The following ATAD2B variants were observed in gnomAD, a reference collection of about 807,000 sequenced individuals.
The protein encoded by ATAD2B is ATPase family AAA domain containing 2B.
Under a neutral mutation model 167.6 loss-of-function variants are expected in ATAD2B, and 40 were observed. The observed-to-expected ratio is 0.24, with a 90% CI of 0.19 to 0.31. The LOEUF (loss-of-function observed/expected upper bound fraction) is 0.31. Among genes scored for constraint, ATAD2B ranks in the 10% least tolerant of loss-of-function variants. The pLI is 1.00. For missense variants in ATAD2B, 1,242 were observed against 1,757.2 expected, an observed-to-expected ratio of 0.71 and a Z score of 5.24; for synonymous variants, 579 against 596.5, an observed-to-expected ratio of 0.97 and a Z score of 0.43.
At chr2:23,905,944 G>A (rs914852434) in intron 1 of ATAD2B, among the ~76,000 whole-genome samples, 3 of 152,122 alleles carry the variant, frequency 2.0e-5, no homozygotes, top group African/African-American at 4.8e-5. Flanking sequence ...GGGGAATGGG[G>A]TACAAATTGG....
chr2:23,684,683 CCT>C, the ATAD2B span: 1 of 653,348 alleles, frequency 1.5e-6, no homozygotes. The surrounding 1 kb of genome is among the most constrained non-coding windows in gnomAD (Gnocchi z 4.4). Context: ...TCCTCCTCCT[CCT>C]CCCCAGTACC....
chr2:23,710,705 A>C, the ATAD2B span, among the ~76,000 whole-genome samples: 1 of 152,236 alleles, frequency 6.6e-6, no homozygotes, highest in Non-Finnish European at 1.5e-5. Context: ...AATACAGAAT[A>C]ATACAAATGA....
chr2:23,699,387 T>C, the ATAD2B span, among the ~76,000 whole-genome samples: 2 of 152,158 alleles, frequency 1.3e-5, no homozygotes, highest in African/African-American at 4.8e-5. Flanking sequence ...GGGCGGTAGA[T>C]GTGTCCCCTG....
chr2:23,815,752 A>G lies in ATAD2B; in HGVS notation c.2267+3995T>C, dbSNP rs369038410. Among the ~76,000 whole-genome samples the G allele has an allele frequency of 3.3e-5, 5 of 152,234 alleles. No individual in the cohort carries two copies. In the East Asian group the frequency reaches 5.8e-4, roughly 18 times the overall value. On this transcript the variant is annotated intron_variant, in intron 17 of 27. Coordinates refer to ENST00000238789, the MANE Select transcript of ATAD2B (RefSeq NM_017552.4). ...AGAAAAGCACAACTTTTCTGAAATT[A>G]TATGTGATAGATCTAAATATGCCAA...
chr2:23,808,122 T>TATATATATAAGTAATTATATATATA (rs1312862399), intron 18 of ATAD2B, among the ~76,000 whole-genome samples: 21 of 115,790 alleles, frequency 1.8e-4, no homozygotes, highest in African/African-American at 2.5e-4. Context: ...TATATATAAT[T>TATATATATAAGTAATTATATATATA]ATTATATATA....
chr2:23,679,650 G>A, the ATAD2B span, among the ~76,000 whole-genome samples: 2 of 143,514 alleles, frequency 1.4e-5, no homozygotes, highest in African/African-American at 2.5e-5. Context: ...GCTGAGTGTC[G>A]AAGATAAAAA....
At chr2:23,878,518 G>A (rs1697382690) in intron 7 of ATAD2B, among the ~76,000 whole-genome samples, 1 of 151,692 alleles carries the variant, frequency 6.6e-6, no homozygotes, top group South Asian at 2.1e-4. Flanking sequence ...AATTAGCCAG[G>A]CGTGGTGGCA....
At chr2:23,925,231 TAA>T (rs758329779) in intron 1 of ATAD2B, among the ~76,000 whole-genome samples, 2 of 152,294 alleles carry the variant, frequency 1.3e-5, no homozygotes, top group East Asian at 3.8e-4. Context: ...TATTTCAACC[TAA>T]GAGAGCTGTA....
chr2:23,794,907 C>T (rs1322938784), intron 19 of ATAD2B, among the ~76,000 whole-genome samples: 6 of 151,992 alleles, frequency 3.9e-5, no homozygotes, highest in African/African-American at 1.4e-4. Flanking sequence ...ACAAACTTAT[C>T]GTGGGGACTA....
intron 27 of ATAD2B, among the ~76,000 whole-genome samples, chr2:23,752,764 A>C (rs1675505052): frequency 6.6e-6 from 1 of 152,118 alleles, no homozygotes; most frequent in Non-Finnish European, 1.5e-5. Context: ...AGCAGAATGC[A>C]TTGTGTTCCC....
intron 24 of ATAD2B, among the ~76,000 whole-genome samples, chr2:23,761,090 T>C (rs935176320): frequency 2.0e-5 from 3 of 152,222 alleles, no homozygotes; most frequent in Non-Finnish European, 2.9e-5. Context: ...AGCAGATGCA[T>C]AGAATGTAAA....
intron 15 of ATAD2B, chr2:23,827,653 C>G (rs1688458985): frequency 6.6e-6 from 1 of 152,470 alleles, no homozygotes; most frequent in African/African-American, 2.4e-5. Context: ...GATTTTATAC[C>G]AAATACCACC....
At chr2:23,807,751 G>A (rs1387373108) in intron 18 of ATAD2B, among the ~76,000 whole-genome samples, 3 of 148,934 alleles carry the variant, frequency 2.0e-5, no homozygotes, top group African/African-American at 7.4e-5. Context: ...AGGAGGCGGA[G>A]GTTGCAGTGA....
intron 1 of ATAD2B, among the ~76,000 whole-genome samples, chr2:23,899,106 C>T (rs902298151): frequency 2.6e-5 from 4 of 151,846 alleles, no homozygotes; most frequent in African/African-American, 9.7e-5. Context: ...TGAGATCATG[C>T]CATTGCACTC....
At chr2:23,741,069 A>T in the ATAD2B span, among the ~76,000 whole-genome samples, 1 of 152,164 alleles carries the variant, frequency 6.6e-6, no homozygotes, top group Non-Finnish European at 1.5e-5. Flanking sequence ...AAACAAGTGG[A>T]AGAACATTCC....
At chr2:23,764,277 C>T (rs1317535206) in intron 23 of ATAD2B, among the ~76,000 whole-genome samples, 1 of 152,218 alleles carries the variant, frequency 6.6e-6, no homozygotes, top group Non-Finnish European at 1.5e-5. Context: ...GCAATTCGAC[C>T]AATTCATTTC....
intron 17 of ATAD2B, among the ~76,000 whole-genome samples, chr2:23,812,355 C>G (rs1161466222): frequency 6.6e-6 from 1 of 150,498 alleles, no homozygotes; most frequent in African/African-American, 2.4e-5. Context: ...TATCTAATTA[C>G]AGTCTTAGCA....
In ATAD2B at chr2:23,926,131, C is replaced by T. The variant is rs2150749550; in HGVS notation, c.216+424G>A. 1.3e-5 allele frequency among the ~76,000 whole-genome samples: 2 copies of T among 152,314 alleles called. 1 individual carries two copies. Among genetic ancestry groups the T allele is most frequent in the South Asian group, 4.1e-4 (2 of 4,830 alleles). On this transcript the variant is annotated intron_variant, in intron 1 of 27. Coordinates refer to ENST00000238789, the MANE Select transcript of ATAD2B (RefSeq NM_017552.4). Reference sequence around the variant, plus strand: ...AAACTGAGAGTAAGCTGGAGTTAGACAGCGGCAGGAACTGACACACTTTCA... The same window carrying T: ...AAACTGAGAGTAAGCTGGAGTTAGATAGCGGCAGGAACTGACACACTTTCA...
At chr2:23,679,349 G>A in the ATAD2B span, among the ~76,000 whole-genome samples, 2 of 152,216 alleles carry the variant, frequency 1.3e-5, no homozygotes, top group African/African-American at 2.4e-5. Context: ...GGGACAGCTC[G>A]TTTCTGCTCC....
Sources: allele counts gnomAD v4.1 joint callset (sites outside exome capture counted in the v4.1 genomes callset), GRCh38; gene constraint gnomAD v4.1.1; non-coding constraint Gnocchi (gnomAD v3.1); transcripts MANE v1.5; gene names NCBI Gene and HGNC (gene_info 2026-07-23, HGNC 2026-07-21).